The following KMT2C variants were observed in gnomAD, a reference collection of about 807,000 sequenced individuals.
The protein encoded by KMT2C is lysine methyltransferase 2C, also known as histone-lysine N-methyltransferase 2C.
A neutral mutation model predicts 507.9 loss-of-function variants in KMT2C; 88 were observed. The ratio of observed to expected loss-of-function variants is 0.17; its 90% CI spans 0.15 to 0.21. The LOEUF (loss-of-function observed/expected upper bound fraction) is 0.21, where lower values mean the gene tolerates loss of function less well. KMT2C is among the 10% of genes least tolerant of loss of function. The pLI is 1.00. For missense variants in KMT2C, 4,954 were observed against 5,957.8 expected, an observed-to-expected ratio of 0.83 and a Z score of 5.55; for synonymous variants, 2,049 against 2,080.8, an observed-to-expected ratio of 0.98 and a Z score of 0.42.
At chr7:152,415,211 T>G (rs1036351760) in intron 1 of KMT2C, among the ~76,000 whole-genome samples, 4 of 152,254 alleles carry the variant, frequency 2.6e-5, no homozygotes, top group Admixed American at 2.0e-4. Context: ...ATATCATGAT[T>G]AAAATTTTGT....
At chr7:152,290,272 A>T (rs866657266) in intron 6 of KMT2C, among the ~76,000 whole-genome samples, 1 of 23,408 alleles carries the variant, frequency 4.3e-5, no homozygotes, top group Non-Finnish European at 7.6e-5. Context: ...ATATATATAT[A>T]TATATATATA....
Position 152,367,778 on chromosome 7 carries a change from T to C in KMT2C, c.162-9103A>G, listed in dbSNP as rs545822494. ...ATAGTAAATCTGAGGACTACCTAAA[T>C]GCAGAATCACGAGTGAACAGACGTC... On this transcript the variant is annotated intron_variant, in intron 1 of 58. Coordinates refer to ENST00000262189, the MANE Select transcript of KMT2C (RefSeq NM_170606.3). 1.0e-4 allele frequency: 100 copies of C among 994,382 alleles called. No homozygotes were observed. The East Asian group carries it at 2.3e-3, about 23-fold the overall frequency. 61.6% of individuals were successfully genotyped at this position (994,382 alleles called of 1,614,324 possible).
At chr7:152,323,843 A>G in intron 3 of KMT2C, among the ~76,000 whole-genome samples, 1 of 150,296 alleles carries the variant, frequency 6.7e-6, no homozygotes, top group African/African-American at 2.4e-5. Context: ...GTGGGGAGAG[A>G]GAGAGAGAGA....
At chr7:152,180,605 T>TA (rs1024427856) in intron 36 of KMT2C, 106 bp downstream of exon 36, 35 of 855,026 alleles carry the variant, frequency 4.1e-5, no homozygotes, top group Non-Finnish European at 4.8e-5. Flanking sequence ...CTCTACAGAA[T>TA]AAAAAAAATA....
rs369270867 is a variant in KMT2C at position 152,432,963 on chromosome 7, A to G, written c.161+2663T>C. Among the ~76,000 whole-genome samples, 67 of 152,256 alleles carry G rather than the reference A, an allele frequency of 4.4e-4. 1 individual carries two copies. The highest frequency in any genetic ancestry group is 1.6e-3 in the African/African-American group (65 of 41,552). ...GGGGTTCAAGACCAGCCTGGCCAAC[A>G]TGGTGAAACCCTGTGTCTACTAAAA... On this transcript the variant is annotated intron_variant, in intron 1 of 58. Transcript: ENST00000262189.
At chr7:152,366,437 T>C (rs544880530) in intron 1 of KMT2C, among the ~76,000 whole-genome samples, 1 of 152,278 alleles carries the variant, frequency 6.6e-6, no homozygotes, top group South Asian at 2.1e-4. Flanking sequence ...ACATATGCGA[T>C]ACTACAACAT....
chr7:152,252,231 CAA>C (rs2095574089), intron 10 of KMT2C, 141 bp from the exon 11 acceptor site: 2 of 624,504 alleles, frequency 3.2e-6, no homozygotes, highest in Admixed American at 3.2e-5. Flanking sequence ...TGCTAACTGA[CAA>C]AGGTTTTTTA....
chr7:152,153,994 T>A lies in KMT2C; in HGVS notation c.12276+16A>T, dbSNP rs747199976. ...GGACATACTGTTTAACATTAAGAAG[T>A]CATTTAATCTTTTACCTCAGCAGCT... On this transcript the variant is annotated intron_variant, in intron 48 of 58. Transcript: ENST00000262189. 1 of 1,611,470 alleles carries A rather than the reference T, an allele frequency of 6.2e-7. No individual in the cohort carries two copies. Among genetic ancestry groups the A allele is most frequent in the Non-Finnish European group, 8.5e-7 (1 of 1,178,792 alleles).
At chr7:152,224,353 T>C (rs1388781757) in intron 19 of KMT2C, 82 bp downstream of exon 19, 9 of 1,397,092 alleles carry the variant, frequency 6.4e-6, no homozygotes, top group Non-Finnish European at 8.9e-6. Context: ...ATTAAATAGG[T>C]GTGGCTAATT....
At chr7:152,231,729 C>T (rs191977057) in intron 16 of KMT2C, among the ~76,000 whole-genome samples, 17 of 151,700 alleles carry the variant, frequency 1.1e-4, no homozygotes, top group Non-Finnish European at 2.4e-4. Flanking sequence ...TACAGTGAGC[C>T]AAGATTACGC....
intron 2 of KMT2C, among the ~76,000 whole-genome samples, chr7:152,344,209 G>T (rs2097028971): frequency 6.6e-6 from 1 of 152,146 alleles, no homozygotes; most frequent in African/African-American, 2.4e-5. Flanking sequence ...AATTACAGTG[G>T]TGCCATCTTA....
At chr7:152,382,425 A>C (rs1397494409) in intron 1 of KMT2C, among the ~76,000 whole-genome samples, 6 of 151,740 alleles carry the variant, frequency 4.0e-5, no homozygotes, top group Admixed American at 3.9e-4. Flanking sequence ...AAACCCAAAC[A>C]CAGAGTCACC....
rs570224635 is a variant in KMT2C, at chr7:152,282,169, C to T, written c.850-8302G>A. On this transcript the variant is annotated intron_variant, in intron 6 of 58. Transcript: ENST00000262189. The stretch of plus-strand genomic sequence containing the variant: ...AAAATTAGCCAGGCGTGGTGGTGCA[C>T]GCCTGTAATCCTAGCTACTCGAGAG... 1.7e-4 allele frequency among the ~76,000 whole-genome samples: 26 copies of T among 152,052 alleles called. No homozygotes were observed. The South Asian group carries it at 3.9e-3, about 23-fold the overall frequency.
At chr7:152,216,680 A>T (rs2094591453) in intron 23 of KMT2C, among the ~76,000 whole-genome samples, 1 of 152,236 alleles carries the variant, frequency 6.6e-6, no homozygotes, top group African/African-American at 2.4e-5. Context: ...GAAGAAAAAG[A>T]CATGGAAACA....
At chr7:152,196,998 T>C (rs531175211) in intron 27 of KMT2C, among the ~76,000 whole-genome samples, 1 of 152,100 alleles carries the variant, frequency 6.6e-6, no homozygotes, top group Non-Finnish European at 1.5e-5. Context: ...TGAAGTGTAA[T>C]GAGAAGTTGC....
chr7:152,196,353 T>A (rs1398795269), intron 27 of KMT2C, among the ~76,000 whole-genome samples: 1 of 152,162 alleles, frequency 6.6e-6, no homozygotes, highest in Non-Finnish European at 1.5e-5. Context: ...AAAAGTGACA[T>A]TGAGAAATTA....
rs998118004 is a variant in KMT2C, at chr7:152,179,669, G to A, written c.7442+165C>T. Among the ~76,000 whole-genome samples the A allele has an allele frequency of 9.4e-4, 135 of 143,656 alleles. 3 individuals are homozygous for A. Among genetic ancestry groups the A allele is most frequent in the African/African-American group, 3.1e-3 (122 of 39,802 alleles). The allele number at this position is 143,656 out of a possible 152,430, so 94.2% of individuals were successfully genotyped here. On this transcript the variant is annotated intron_variant, in intron 37 of 58. Coordinates refer to ENST00000262189, the MANE Select transcript of KMT2C (RefSeq NM_170606.3). ...ATTTGTTGAAGAGGTTGGGGGGGGG[G>A]GGGGGTGGTCTCACTATATTGCCCA... is the stretch of plus-strand genomic sequence containing the variant.
At chr7:152,245,412 A>AT (rs1395225132) in intron 14 of KMT2C, among the ~76,000 whole-genome samples, 1 of 152,206 alleles carries the variant, frequency 6.6e-6, no homozygotes, top group Non-Finnish European at 1.5e-5. Flanking sequence ...CATCTTGTTC[A>AT]TTTTTATACT....
chr7:152,315,035 G>C (rs2096710274), intron 4 of KMT2C, 103 bp downstream of exon 4: 1 of 978,046 alleles, frequency 1.0e-6, no homozygotes, highest in Non-Finnish European at 1.5e-6. Flanking sequence ...AGGAGAAACT[G>C]TTCAACAAGA....
Sources: gnomAD v4.1 joint callset for allele counts (sites outside exome capture counted in the v4.1 genomes callset) on GRCh38, gnomAD v4.1.1 for gene constraint, MANE v1.5 for transcripts, NCBI Gene and HGNC (gene_info 2026-07-23, HGNC 2026-07-21) for gene names.